The following SRPK2 variants were observed in gnomAD, a reference collection of about 807,000 sequenced individuals.
SRPK2 encodes SFRS protein kinase 2.
Under a neutral mutation model 90.8 loss-of-function variants are expected in SRPK2, and 21 were observed. The observed-to-expected ratio is 0.23, with a 90% CI of 0.16 to 0.33. The LOEUF (loss-of-function observed/expected upper bound fraction) is 0.33. Among genes scored for constraint, SRPK2 ranks in the 10% least tolerant of loss-of-function variants. SRPK2 has a pLI of 1.00. For synonymous variants in SRPK2, 288 were observed against 311.1 expected, an observed-to-expected ratio of 0.93 and a Z score of 0.78; for missense variants, 620 against 869.0, an observed-to-expected ratio of 0.71 and a Z score of 3.60.
At position 105,118,013 on chromosome 7, in the gene SRPK2, C is replaced by T. The variant is rs1331780321; in HGVS notation, c.1925G>A (p.Arg642Gln). Residue 642 changes from arginine to glutamine, a missense_variant, in exon 16 of 16, where the codon CGA becomes CAA. This residue lies in a region of SRPK2 where 71 missense variants were observed against 123.1 expected (regional missense o/e 0.58). Coordinates refer to ENST00000393651, the MANE Select transcript of SRPK2 (RefSeq NM_182692.3). The part of the protein sequence containing the change: ...REFFNRRGEL[R>Q]HITKLKPWSL... ...CCAGGGCTTCAGCTTGGTGATGTGT[C>T]GCAGTTCTCCTACAGGGGAAAAAAC... 3 of 1,613,846 alleles carry T rather than the reference C, an allele frequency of 1.9e-6. No individual in the cohort carries two copies. Among genetic ancestry groups the T allele is most frequent in the Admixed American group, 1.7e-5 (1 of 59,990 alleles).
At chr7:105,162,996 G>T (rs1446876466) in intron 6 of SRPK2, among the ~76,000 whole-genome samples, 1 of 152,186 alleles carries the variant, frequency 6.6e-6, no homozygotes, top group Non-Finnish European at 1.5e-5. Context: ...TATCCAAAGG[G>T]AAAAATATAC....
At chr7:105,247,531 A>AACACACACACACACAC (rs59040708) in intron 2 of SRPK2, among the ~76,000 whole-genome samples, 12,394 of 145,064 alleles carry the variant, frequency 0.085, 713 homozygotes, top group Admixed American at 0.12. Flanking sequence ...CACACACATA[A>AACACACACACACACAC]ACACACACAC....
At chr7:105,168,778 T>C (rs1430821324) in intron 4 of SRPK2, among the ~76,000 whole-genome samples, 1 of 150,072 alleles carries the variant, frequency 6.7e-6, no homozygotes, top group East Asian at 2.0e-4. Flanking sequence ...TGTGTGTGTG[T>C]GTGTATGGAG....
intron 3 of SRPK2, among the ~76,000 whole-genome samples, chr7:105,199,305 T>C (rs1795270687): frequency 6.6e-6 from 1 of 152,228 alleles, no homozygotes; most frequent in Middle Eastern, 3.2e-3. Flanking sequence ...TGTTAATTTT[T>C]TTTTAATTGT....
chr7:105,145,529 A>G (rs1038772465), intron 8 of SRPK2, among the ~76,000 whole-genome samples: 2 of 152,230 alleles, frequency 1.3e-5, no homozygotes, highest in Non-Finnish European at 2.9e-5. Flanking sequence ...ACTCATACTG[A>G]GCCATTTCTC....
intron 2 of SRPK2, among the ~76,000 whole-genome samples, chr7:105,352,123 T>C (rs948712457): frequency 1.3e-5 from 2 of 152,188 alleles, no homozygotes; most frequent in African/African-American, 4.8e-5. Context: ...CCCCGTCTTT[T>C]AACTCTTCAC....
chr7:105,133,788 G>C (rs767810798), intron 11 of SRPK2, among the ~76,000 whole-genome samples: 5 of 152,180 alleles, frequency 3.3e-5, no homozygotes, highest in Non-Finnish European at 7.3e-5. Context: ...CAACCTCTGA[G>C]GTCAGTCATG....
chr7:105,149,937 C>T (rs543756322), intron 7 of SRPK2, among the ~76,000 whole-genome samples: 1 of 151,936 alleles, frequency 6.6e-6, no homozygotes, highest in South Asian at 2.1e-4. Flanking sequence ...GCCATTATTC[C>T]AGGTGTTTGA....
rs1192103331 is a variant in SRPK2 at position 105,328,561 on chromosome 7, C to CAAA, written c.71+60084_71+60086dup. On this transcript the variant is annotated intron_variant, in intron 2 of 15. Transcript: ENST00000393651. ...TCAGTGACAGAGCCAGGCTCTGTCT[C>CAAA]AAAAAAAAAAAAAAAAAAAAAGGCC... is the stretch of plus-strand genomic sequence containing the variant. 3.5e-3 allele frequency among the ~76,000 whole-genome samples: 164 copies of CAAA among 47,090 alleles called. 5 individuals are homozygous for CAAA. Among genetic ancestry groups the CAAA allele is most frequent in the Non-Finnish European group, 4.4e-3 (122 of 28,020 alleles). The allele number at this position is 47,090 out of a possible 152,430, so 30.9% of individuals were successfully genotyped here.
At chr7:105,261,044 A>G (rs1804195051) in intron 2 of SRPK2, among the ~76,000 whole-genome samples, 2 of 146,964 alleles carry the variant, frequency 1.4e-5, no homozygotes, top group Admixed American at 6.8e-5. Flanking sequence ...AAAAAAAAAC[A>G]GTATGGAGTG....
At chr7:105,397,526 C>T (rs1187952038) in intron 1 of SRPK2, among the ~76,000 whole-genome samples, 1 of 151,864 alleles carries the variant, frequency 6.6e-6, no homozygotes, top group Non-Finnish European at 1.5e-5. Flanking sequence ...GACGGGGTTT[C>T]ACCATATTGG....
rs1813401782 is a variant in SRPK2, at chr7:105,325,027, G to A, written c.71+63621C>T. Among the ~76,000 whole-genome samples the A allele has an allele frequency of 1.3e-5, 2 of 152,286 alleles. 1 individual carries two copies. The highest frequency in any genetic ancestry group is 6.8e-3 in the Middle Eastern group (2 of 294). ...CCATTCATTATTAACAATCACTTAAGAGGCAGTTTCATTCAAGCAAGCTTT... is the reference window on the plus strand; with the variant it reads ...CCATTCATTATTAACAATCACTTAAAAGGCAGTTTCATTCAAGCAAGCTTT... On this transcript the variant is annotated intron_variant, in intron 2 of 15. Coordinates refer to ENST00000393651, the MANE Select transcript of SRPK2 (RefSeq NM_182692.3).
intron 2 of SRPK2, among the ~76,000 whole-genome samples, chr7:105,342,497 T>C (rs958267584): frequency 1.7e-4 from 26 of 152,036 alleles, no homozygotes; most frequent in African/African-American, 6.0e-4. Flanking sequence ...ATATAAAAAT[T>C]TCCTCAAAAA....
At chr7:105,235,847 A>C (rs1800061925) in intron 2 of SRPK2, among the ~76,000 whole-genome samples, 2 of 152,228 alleles carry the variant, frequency 1.3e-5, no homozygotes, top group African/African-American at 4.8e-5. Context: ...AAAGTCATTG[A>C]GATAGTTCCC....
At position 105,388,904 on chromosome 7, in the gene SRPK2, G is replaced by A. The variant is rs1256587407; in HGVS notation, c.-98C>T. ...CTCCACTCGCTCCGCCGGCCGGGAGGAGACGAGAACCGCGCCTGCGCCGCC... is the reference window on the plus strand; with the variant it reads ...CTCCACTCGCTCCGCCGGCCGGGAGAAGACGAGAACCGCGCCTGCGCCGCC... On this transcript the variant is annotated 5_prime_UTR_variant, in exon 1 of 16. Coordinates refer to ENST00000393651, the MANE Select transcript of SRPK2 (RefSeq NM_182692.3). 4.9e-6 allele frequency: 6 copies of A among 1,234,376 alleles called. No individual in the cohort carries two copies. Among genetic ancestry groups the A allele is most frequent in the African/African-American group, 1.6e-5 (1 of 63,102 alleles). The allele number at this position is 1,234,376 out of a possible 1,614,324, so 76.5% of individuals were successfully genotyped here. A position where few individuals can be genotyped will look rare whatever the true frequency, so the allele number is the denominator to read the frequency against.
chr7:105,174,082 T>TAAA (rs11406138), intron 3 of SRPK2, among the ~76,000 whole-genome samples: 4 of 134,966 alleles, frequency 3.0e-5, no homozygotes, highest in Non-Finnish European at 4.7e-5. Context: ...CTGTCTCTAA[T>TAAA]AAAAAAAAAA....
intron 3 of SRPK2, among the ~76,000 whole-genome samples, chr7:105,187,219 G>A (rs1290570007): frequency 3.3e-5 from 5 of 152,192 alleles, no homozygotes; most frequent in Admixed American, 1.3e-4. Flanking sequence ...CAGGTAAGAT[G>A]TGCCTTCAAT....
intron 2 of SRPK2, among the ~76,000 whole-genome samples, chr7:105,214,893 T>C (rs1171521308): frequency 1.3e-5 from 2 of 152,142 alleles, no homozygotes; most frequent in African/African-American, 2.4e-5. Flanking sequence ...CAAACAATCA[T>C]GAAAAAGAAA....
chr7:105,270,919 A>C (rs1273105827), intron 2 of SRPK2, among the ~76,000 whole-genome samples: 28 of 152,218 alleles, frequency 1.8e-4, no homozygotes, highest in Admixed American at 1.8e-3. Context: ...TATTTACTGA[A>C]TTAGTTAATG....
Sources: allele counts gnomAD v4.1 joint callset (sites outside exome capture counted in the v4.1 genomes callset), GRCh38; gene constraint gnomAD v4.1.1; regional missense constraint gnomAD v4.1.1; transcripts MANE v1.5; gene names NCBI Gene and HGNC (gene_info 2026-07-23, HGNC 2026-07-21).